The following MDGA2 variants were observed in gnomAD, a reference collection of about 807,000 sequenced individuals.
The protein encoded by MDGA2 is MAM domain containing glycosylphosphatidylinositol anchor 2, also known as MAM domain-containing glycosylphosphatidylinositol anchor protein 2.
MDGA2 carries 40 observed loss-of-function variants against 117.8 expected under a neutral mutation model. The ratio of observed to expected loss-of-function variants is 0.34; its 90% confidence interval spans 0.26 to 0.44. The LOEUF is 0.44. Among genes scored for constraint, MDGA2 ranks in the 20% least tolerant of loss-of-function variants. MDGA2 has a pLI of 1.00. For synonymous variants in MDGA2, 452 were observed against 439.0 expected (o/e 1.03, Z -0.37); for missense variants, 1,123 against 1,250.6 (o/e 0.90, Z 1.54).
intron 1 of MDGA2, among the ~76,000 whole-genome samples, chr14:47,490,510 C>A (rs1018537474): frequency 1.3e-5 from 2 of 152,000 alleles, no homozygotes. Context: ...ATTTTGAAAT[C>A]AAATCAGGTG....
intron 1 of MDGA2, among the ~76,000 whole-genome samples, chr14:47,412,805 G>A (rs1046978444): frequency 6.6e-6 from 1 of 152,172 alleles, no homozygotes; most frequent in African/African-American, 2.4e-5. Context: ...ACCACATGTT[G>A]CCCATGCAAT....
chr14:46,987,710 G>C (rs1487264483), intron 8 of MDGA2, among the ~76,000 whole-genome samples: 1 of 152,042 alleles, frequency 6.6e-6, no homozygotes, highest in South Asian at 2.1e-4. Flanking sequence ...TTGAAGGGAA[G>C]GGAATGACAG....
intron 1 of MDGA2, among the ~76,000 whole-genome samples, chr14:47,482,827 T>A (rs1007874485): frequency 1.1e-4 from 16 of 151,966 alleles, no homozygotes; most frequent in African/African-American, 3.9e-4. Flanking sequence ...CTAGATGTAT[T>A]CTGGAGGTCA....
chr14:47,460,484 T>C (rs1036445046), intron 1 of MDGA2, among the ~76,000 whole-genome samples: 1 of 152,068 alleles, frequency 6.6e-6, no homozygotes, highest in Non-Finnish European at 1.5e-5. Context: ...CTTACTTATT[T>C]AGATGAGACA....
At chr14:47,615,973 C>G (rs1167264152) in intron 1 of MDGA2, among the ~76,000 whole-genome samples, 1 of 152,080 alleles carries the variant, frequency 6.6e-6, no homozygotes, top group South Asian at 2.1e-4. Flanking sequence ...AAGGGGGAGG[C>G]CTTGTTCCTC....
chr14:47,205,280 G>A (rs979486509), intron 3 of MDGA2, among the ~76,000 whole-genome samples: 14 of 151,744 alleles, frequency 9.2e-5, no homozygotes, highest in Admixed American at 5.3e-4. Context: ...GGTCTTTAGC[G>A]ACTATTTATT....
At chr14:47,232,191 T>C (rs933146324) in intron 2 of MDGA2, among the ~76,000 whole-genome samples, 7 of 152,100 alleles carry the variant, frequency 4.6e-5, no homozygotes, top group African/African-American at 9.6e-5. Flanking sequence ...GGAAGAGATG[T>C]GCTTTGTAAA....
intron 1 of MDGA2, among the ~76,000 whole-genome samples, chr14:47,464,277 C>A (rs373639830): frequency 6.6e-6 from 1 of 151,948 alleles, no homozygotes; most frequent in African/African-American, 2.4e-5. Flanking sequence ...AATTCTCTTT[C>A]TCACAAGTAT....
chr14:47,295,683 C>T (rs756209472), intron 2 of MDGA2, among the ~76,000 whole-genome samples: 10 of 152,052 alleles, frequency 6.6e-5, no homozygotes, highest in Admixed American at 1.3e-4. Context: ...GTGGGCGAAT[C>T]ACCCGAGGTC....
chr14:47,471,825 A>C (rs1893734455), intron 1 of MDGA2, among the ~76,000 whole-genome samples: 2 of 152,104 alleles, frequency 1.3e-5, no homozygotes, highest in African/African-American at 4.8e-5. Flanking sequence ...TATAATAATA[A>C]TAATTAACTA....
chr14:47,617,105 T>C (rs78380794), intron 1 of MDGA2, among the ~76,000 whole-genome samples: 3,267 of 152,318 alleles, frequency 0.021, 43 homozygotes, highest in Middle Eastern at 0.048. Context: ...TCAACTCATA[T>C]GCCTACAAAA....
chr14:47,570,776 A>C (rs753093982), intron 1 of MDGA2, among the ~76,000 whole-genome samples: 1 of 152,206 alleles, frequency 6.6e-6, no homozygotes, highest in Non-Finnish European at 1.5e-5. Flanking sequence ...TAAAGACTGA[A>C]ACATAAGACC....
At chr14:47,139,517 A>C (rs751466146) in intron 4 of MDGA2, among the ~76,000 whole-genome samples, 1 of 151,968 alleles carries the variant, frequency 6.6e-6, no homozygotes, top group Admixed American at 6.6e-5. Flanking sequence ...AGGTATGCCC[A>C]TATCTTGAAT....
chr14:47,656,330 A>G (rs1256197734), intron 1 of MDGA2, among the ~76,000 whole-genome samples: 2 of 152,204 alleles, frequency 1.3e-5, no homozygotes, highest in Admixed American at 6.5e-5. Flanking sequence ...CTATGACTGC[A>G]TGGGCAGTCC....
chr14:47,103,662 G>A (rs1323346113), intron 5 of MDGA2, among the ~76,000 whole-genome samples: 1 of 152,226 alleles, frequency 6.6e-6, no homozygotes, highest in Admixed American at 6.5e-5. Flanking sequence ...GGAAATGATT[G>A]CAAAGGCAGA....
At chr14:47,534,077 A>G (rs1895156654) in intron 1 of MDGA2, among the ~76,000 whole-genome samples, 1 of 151,930 alleles carries the variant, frequency 6.6e-6, no homozygotes. Flanking sequence ...AACTTAGAAA[A>G]CTACTGGGAA....
intron 8 of MDGA2, among the ~76,000 whole-genome samples, chr14:47,004,918 T>TA (rs1186727778): frequency 6.6e-6 from 1 of 151,624 alleles, no homozygotes; most frequent in Non-Finnish European, 1.5e-5. Flanking sequence ...AAACAGAAGA[T>TA]ATGGGGTGAA....
intron 1 of MDGA2, among the ~76,000 whole-genome samples, chr14:47,337,897 T>C (rs1890508719): frequency 6.6e-6 from 1 of 152,038 alleles, no homozygotes; most frequent in South Asian, 2.1e-4. Context: ...TAGTGTAAGC[T>C]AGTCTATGAA....
chr14:47,199,644 GAA>G (rs1164357407), intron 3 of MDGA2, among the ~76,000 whole-genome samples: 2 of 151,984 alleles, frequency 1.3e-5, no homozygotes, highest in Non-Finnish European at 2.9e-5. Context: ...CATACTCAAA[GAA>G]AAACAATCAT....
Sources: gnomAD v4.1 joint callset for allele counts (sites outside exome capture counted in the v4.1 genomes callset) on GRCh38, gnomAD v4.1.1 for gene constraint, MANE v1.5 for transcripts, NCBI Gene and HGNC (gene_info 2026-07-23, HGNC 2026-07-21) for gene names.